The following DCLRE1A variants were observed in gnomAD, a reference collection of about 807,000 sequenced individuals.
The protein encoded by DCLRE1A is DNA cross-link repair 1A protein.
DCLRE1A carries 64 observed loss-of-function variants against 91.9 expected under a neutral mutation model. The ratio of observed to expected loss-of-function variants is 0.70; its 90% CI spans 0.57 to 0.86. The LOEUF (loss-of-function observed/expected upper bound fraction) is 0.86, where lower values mean the gene tolerates loss of function less well. Ranked by LOEUF, DCLRE1A falls within the 40% of genes least tolerant of loss-of-function variation. The pLI is 0.00. For synonymous variants in DCLRE1A, 416 were observed against 431.1 expected, an observed-to-expected ratio of 0.96 and a Z score of 0.43; for missense variants, 1,145 against 1,213.3, an observed-to-expected ratio of 0.94 and a Z score of 0.84.
intron 4 of DCLRE1A, among the ~76,000 whole-genome samples, chr10:113,844,901 A>C (rs1350462290): frequency 6.6e-6 from 1 of 151,212 alleles, no homozygotes; most frequent in Non-Finnish European, 1.5e-5. Context: ...GTGCCATTGC[A>C]CTCCAACCTG....
chr10:113,844,458 A>G (rs1845498672), intron 4 of DCLRE1A, among the ~76,000 whole-genome samples: 1 of 152,190 alleles, frequency 6.6e-6, no homozygotes, highest in African/African-American at 2.4e-5. Flanking sequence ...CAAACTCCAA[A>G]CATTCCCAAG....
rs1202077945 is a variant in DCLRE1A at position 113,839,047 on chromosome 10, C to T, written c.2821-1844G>A. On this transcript the variant is annotated intron_variant, in intron 7 of 8. Coordinates refer to ENST00000361384, the MANE Select transcript of DCLRE1A (RefSeq NM_014881.5). ...TTGGAGGTAAGAAATCTTCCGAGGC[C>T]GGGCGTGGTGGCTCACGCATGTATT... is the stretch of plus-strand genomic sequence containing the variant. 3.3e-5 allele frequency among the ~76,000 whole-genome samples: 5 copies of T among 152,138 alleles called. No individual in the cohort carries two copies. The East Asian group carries it at 7.7e-4, about 23-fold the overall frequency.
Position 113,850,159 on chromosome 10 carries a change from GT to G in DCLRE1A, c.945del (p.Lys315AsnfsTer38). 6.2e-7 allele frequency: 1 copy of G among 1,614,098 alleles called. No homozygotes were observed. Among genetic ancestry groups the G allele is most frequent in the South Asian group, 1.1e-5 (1 of 91,076 alleles). On this transcript the variant is annotated frameshift_variant, in exon 2 of 9. Transcript: ENST00000361384. LOFTEE classifies it high-confidence loss of function. ...AACAGTTGTTCTTGTGAATCATCCGGTTTTTCATCGATATCATGAGTGTCTT... is the reference window on the plus strand; with the variant it reads ...AACAGTTGTTCTTGTGAATCATCCGGTTTTCATCGATATCATGAGTGTCTT... The part of the protein sequence containing the change: ...SDEDTHDIDE[K>X]PDDSQEQLFF...
intron 4 of DCLRE1A, among the ~76,000 whole-genome samples, chr10:113,844,936 C>CAA (rs531248552): frequency 8.0e-5 from 6 of 75,370 alleles, no homozygotes; most frequent in African/African-American, 2.4e-4. Context: ...AACTCTGTCT[C>CAA]AAAAAAAAAA....
chr10:113,837,258 A>G, intron 7 of DCLRE1A, 55 bp from the exon 8 acceptor site: 1 of 1,519,574 alleles, frequency 6.6e-7, no homozygotes, highest in Non-Finnish European at 8.8e-7. Context: ...TATGGAATAA[A>G]ACAGACTGAT....
At chr10:113,841,319 A>G in intron 7 of DCLRE1A, 87 bp downstream of exon 7, 1 of 1,475,298 alleles carries the variant, frequency 6.8e-7, no homozygotes. Flanking sequence ...CTCTATTATA[A>G]TTGAATTCCT....
intron 1 of DCLRE1A, among the ~76,000 whole-genome samples, chr10:113,851,687 A>T: frequency 6.6e-6 from 1 of 151,844 alleles, no homozygotes. Context: ...GATGACTAAA[A>T]CATAACCATA....
chr10:113,841,453 A>T lies in DCLRE1A; in HGVS notation c.2773T>A (p.Cys925Ser), dbSNP rs761840012. 7 of 1,613,520 alleles carry T rather than the reference A, an allele frequency of 4.3e-6. No individual in the cohort carries two copies. The African/African-American group carries it at 9.3e-5, about 22-fold the overall frequency. Reference sequence around the variant, plus strand: ...GGGAGAAGGTGAACCAATGAACTGCACATGTCGGTAGTGATGAGTGAATTA... The same window carrying T: ...GGGAGAAGGTGAACCAATGAACTGCTCATGTCGGTAGTGATGAGTGAATTA... ...EINSLITTDM[C>S]SSLVHLLPMM... Residue 925 changes from cysteine (C) to serine (S), a missense_variant, in exon 7 of 9, where the codon TGC becomes AGC. Physicochemically the swap from Cys to Ser is moderately radical, Grantham distance 112. Transcript: ENST00000361384.
chr10:113,851,543 C>A (rs1311068692), intron 1 of DCLRE1A, among the ~76,000 whole-genome samples: 1 of 151,950 alleles, frequency 6.6e-6, no homozygotes, highest in Non-Finnish European at 1.5e-5. Context: ...GTAGGATTTT[C>A]TACATTAAAT....
chr10:113,846,680 C>T (rs920846062), intron 3 of DCLRE1A, among the ~76,000 whole-genome samples: 3 of 152,152 alleles, frequency 2.0e-5, no homozygotes, highest in African/African-American at 4.8e-5. Context: ...GTCCTTTATA[C>T]AAAATGGCAT....
chr10:113,836,131 G>A (rs1307131697), intron 8 of DCLRE1A, among the ~76,000 whole-genome samples: 1 of 152,040 alleles, frequency 6.6e-6, no homozygotes, highest in African/African-American at 2.4e-5. Context: ...TTCTTGTTAA[G>A]CCTGTGGAAC....
chr10:113,850,747 G>A lies in DCLRE1A; in HGVS notation c.461-103C>T, dbSNP rs912409363. 15 of 883,094 alleles carry A rather than the reference G, an allele frequency of 1.7e-5. No homozygotes were observed. The Admixed American group carries it at 4.3e-4, about 25-fold the overall frequency. The allele number at this position is 883,094 out of a possible 1,614,324, so 54.7% of individuals were successfully genotyped here. A position where few individuals can be genotyped will look rare whatever the true frequency, so the allele number is the denominator to read the frequency against. On this transcript the variant is annotated intron_variant, in intron 1 of 8. Transcript: ENST00000361384. ...GGTTCCATTATTTAATATCCACATT[G>A]CATATAATAAAAAGCAACAATTTTA...
intron 5 of DCLRE1A, among the ~76,000 whole-genome samples, chr10:113,842,771 G>C (rs1845466413): frequency 6.6e-6 from 1 of 151,832 alleles, no homozygotes; most frequent in Non-Finnish European, 1.5e-5. Flanking sequence ...AATATTTCTA[G>C]CAAGCCAGCT....
chr10:113,849,649 T>C lies in DCLRE1A; in HGVS notation c.1456A>G (p.Ile486Val), dbSNP rs1193649267. 2.5e-6 allele frequency: 4 copies of C among 1,614,102 alleles called. No individual in the cohort carries two copies. The highest frequency in any genetic ancestry group is 2.7e-5 in the African/African-American group (2 of 74,946). ...YLSSQPTQNT[I>V]RKLSSENLNA... ...AAGTTCTCACTTGATAATTTTCTAA[T>C]TGTATTTTGGGTTGGTTGGGAAGAA... The change falls in exon 2 of 9, where the codon ATT (isoleucine) becomes GTT (valine). Residue 486 changes from isoleucine to valine, a missense_variant. Transcript: ENST00000361384.
chr10:113,838,631 C>A (rs1845397428), intron 7 of DCLRE1A, among the ~76,000 whole-genome samples: 1 of 152,154 alleles, frequency 6.6e-6, no homozygotes, highest in Non-Finnish European at 1.5e-5. Flanking sequence ...AATATGAAAT[C>A]CCTGATTTAT....
intron 6 of DCLRE1A, 95 bp downstream of exon 6, chr10:113,842,248 T>G (rs1845456166): frequency 9.4e-7 from 1 of 1,064,596 alleles, no homozygotes. Context: ...AGGAAATAAT[T>G]ATCAAATGCA....
In DCLRE1A at chr10:113,849,053, G is replaced by T; in HGVS notation, c.2052C>A (p.Asn684Lys). 6.2e-7 allele frequency: 1 copy of T among 1,613,966 alleles called. No homozygotes were observed. Among genetic ancestry groups the T allele is most frequent in the South Asian group, 1.1e-5 (1 of 91,076 alleles). Residue 684 changes from asparagine to lysine, a missense_variant, in exon 2 of 9, where the codon AAC (asparagine) becomes AAA (lysine). Asn to Lys is a moderately conservative substitution (Grantham distance 94). Coordinates refer to ENST00000361384, the MANE Select transcript of DCLRE1A (RefSeq NM_014881.5). ...CATTAGATGACTCTGGGATTTTCTT[G>T]TTGCCCCTTTGCAGCCCACCATGAG... ...KSAHGGLQRG[N>K]KKIPESSNVG...
chr10:113,849,397 T>G lies in DCLRE1A; in HGVS notation c.1708A>C (p.Lys570Gln), dbSNP rs747137758. 1 of 1,613,864 alleles carries G rather than the reference T, an allele frequency of 6.2e-7. No individual in the cohort carries two copies. The highest frequency in any genetic ancestry group is 2.2e-5 in the East Asian group (1 of 44,876). Residue 570 changes from lysine (K) to glutamine (Q), a missense_variant, in exon 2 of 9, where the codon AAG becomes CAG. Transcript: ENST00000361384. ...CTTTCCCCTAGCAATTTCTCTTCCT[T>G]TCTTTTGGGAGGTAGTCCAAAATAC... The part of the protein sequence containing the change: ...GVYFGLPPKR[K>Q]EEKLLGESAL...
chr10:113,842,856 GATT>G (rs540627991), intron 5 of DCLRE1A, among the ~76,000 whole-genome samples: 82 of 151,924 alleles, frequency 5.4e-4, no homozygotes, highest in Non-Finnish European at 9.7e-4. Context: ...TATTGATAAG[GATT>G]ATATTTGGAC....
Sources: allele counts gnomAD v4.1 joint callset (sites outside exome capture counted in the v4.1 genomes callset), GRCh38; gene constraint gnomAD v4.1.1; transcripts MANE v1.5; gene names NCBI Gene and HGNC (gene_info 2026-07-23, HGNC 2026-07-21).